The following CDC40 variants were observed in gnomAD, a reference collection of about 807,000 sequenced individuals.
The protein encoded by CDC40 is pre-mRNA-processing factor 17.
A neutral mutation model predicts 80.6 loss-of-function variants in CDC40; 27 were observed. That is an observed-to-expected ratio of 0.33 (90% CI 0.25 to 0.46). CDC40 has a LOEUF of 0.46. CDC40 is among the 20% of genes least tolerant of loss of function. The probability of loss-of-function intolerance (pLI) is 1.00; values close to 1 mark genes in which losing one functional copy is unlikely to be tolerated. For missense variants in CDC40, 486 were observed against 694.1 expected (o/e 0.70, Z 3.37); for synonymous variants, 221 against 232.6 (o/e 0.95, Z 0.45).
chr6:110,183,617 TA>T (rs1562197889), intron 1 of CDC40, among the ~76,000 whole-genome samples: 1 of 152,190 alleles, frequency 6.6e-6, no homozygotes, highest in African/African-American at 2.4e-5. Flanking sequence ...AAAACAAACT[TA>T]CACATAGTAA....
intron 12 of CDC40, among the ~76,000 whole-genome samples, chr6:110,222,073 T>C (rs990956960): frequency 4.7e-5 from 7 of 150,140 alleles, no homozygotes; most frequent in African/African-American, 1.7e-4. Flanking sequence ...CTGGGCAACA[T>C]TGTAAAACCC....
chr6:110,213,213 A>C, intron 8 of CDC40, 53 bp downstream of exon 8: 1 of 1,125,706 alleles, frequency 8.9e-7, no homozygotes, highest in Non-Finnish European at 1.4e-6. Context: ...CTTTGTTTAA[A>C]TCTGTTTGAT....
At chr6:110,220,725 G>T (rs191866881) in intron 12 of CDC40, among the ~76,000 whole-genome samples, 1 of 152,172 alleles carries the variant, frequency 6.6e-6, no homozygotes, top group Non-Finnish European at 1.5e-5. Context: ...GATTACAGGC[G>T]TGAGCCACTG....
At chr6:110,195,196 A>C (rs1352494047) in intron 2 of CDC40, among the ~76,000 whole-genome samples, 1 of 152,200 alleles carries the variant, frequency 6.6e-6, no homozygotes, top group Admixed American at 6.5e-5. Flanking sequence ...ATCACTAGGA[A>C]CTTCACCAGT....
At chr6:110,187,803 A>G (rs1309547668) in intron 1 of CDC40, among the ~76,000 whole-genome samples, 2 of 152,242 alleles carry the variant, frequency 1.3e-5, no homozygotes, top group African/African-American at 4.8e-5. Context: ...ATTTAAACTT[A>G]TTTGACCCAC....
rs1346459311 is a variant in CDC40 at position 110,219,457 on chromosome 6, T to C, written c.1184T>C (p.Met395Thr). ...AAGCAAAATCTCTTTGTGGCTGGGA[T>C]GTCTGATAAGAAGATTGTGCAAGTA... The part of the protein sequence containing the change: ...EDKQNLFVAG[M>T]SDKKIVQWDI... Residue 395 changes from methionine (M) to threonine (T), a missense_variant, in exon 11 of 15, where the codon ATG becomes ACG. Physicochemically the swap from Met to Thr is moderately conservative, Grantham distance 81. Coordinates refer to ENST00000307731, the MANE Select transcript of CDC40 (RefSeq NM_015891.3). 7 of 1,594,980 alleles carry C rather than the reference T, an allele frequency of 4.4e-6. No homozygotes were observed. The highest frequency in any genetic ancestry group is 6.0e-6 in the Non-Finnish European group (7 of 1,163,204).
chr6:110,213,972 C>G (rs1777669657), intron 8 of CDC40, among the ~76,000 whole-genome samples: 1 of 152,108 alleles, frequency 6.6e-6, no homozygotes, highest in South Asian at 2.1e-4. Flanking sequence ...TTCTCTTTGT[C>G]CGGACCATGA....
At chr6:110,211,699 G>A (rs1036905220) in intron 6 of CDC40, 2 of 153,256 alleles carry the variant, frequency 1.3e-5, no homozygotes, top group African/African-American at 4.8e-5. Context: ...CATAAGAGAG[G>A]AAAGCAGGGG....
chr6:110,196,643 G>A (rs1479902332), intron 2 of CDC40, among the ~76,000 whole-genome samples: 4 of 152,136 alleles, frequency 2.6e-5, no homozygotes, highest in African/African-American at 4.8e-5. Context: ...AAAGGCTGCT[G>A]TAAATATTAA....
intron 3 of CDC40, among the ~76,000 whole-genome samples, chr6:110,205,043 T>C (rs1420974518): frequency 1.3e-5 from 2 of 152,202 alleles, no homozygotes; most frequent in African/African-American, 4.8e-5. Context: ...TATTTCTTTA[T>C]TGCAACTTGA....
At chr6:110,195,739 G>A (rs1777410824) in intron 2 of CDC40, among the ~76,000 whole-genome samples, 1 of 152,072 alleles carries the variant, frequency 6.6e-6, no homozygotes, top group African/African-American at 2.4e-5. Flanking sequence ...AGAACAAACA[G>A]CATGAGCCGA....
chr6:110,203,265 T>G (rs1403937300), intron 3 of CDC40, among the ~76,000 whole-genome samples: 1 of 152,198 alleles, frequency 6.6e-6, no homozygotes, highest in Non-Finnish European at 1.5e-5. Context: ...AGTATATGAC[T>G]TCTATTAGTT....
At chr6:110,206,932 A>G (rs183558557) in intron 3 of CDC40, among the ~76,000 whole-genome samples, 1 of 152,312 alleles carries the variant, frequency 6.6e-6, no homozygotes, top group Non-Finnish European at 1.5e-5. Flanking sequence ...AGTATGCAAA[A>G]TTCATCCTAT....
intron 5 of CDC40, chr6:110,209,431 C>T (rs1777604952): frequency 2.3e-6 from 1 of 442,712 alleles, no homozygotes; most frequent in East Asian, 3.8e-5. Context: ...TGTTTTCTCT[C>T]ATGCTTTTTT....
In CDC40 at chr6:110,209,094, A is replaced by G. The variant is rs755378058; in HGVS notation, c.501A>G (p.Val167=). 6 of 1,560,138 alleles carry G rather than the reference A, an allele frequency of 3.8e-6. No homozygotes were observed. In the South Asian group the frequency reaches 4.5e-5, roughly 12 times the overall value. Residue 167 remains valine (V), a synonymous_variant, in exon 5 of 15, where the codon GTA becomes GTG. Transcript: ENST00000307731. ...TTTTTGTTAACGTAGGTTTAACTGT[A>G]TTTGAAACTGGTCAGAAGAAAACAG... ...EEAEKNQGLT[V]FETGQKKTEK...
intron 1 of CDC40, among the ~76,000 whole-genome samples, chr6:110,181,098 C>A (rs116912878): frequency 0.017 from 2,640 of 152,298 alleles, 32 homozygotes; most frequent in Middle Eastern, 0.044. Context: ...CAGTGGAGAT[C>A]ATTTTCAAAA....
chr6:110,187,257 A>G (rs1483204066), intron 1 of CDC40, among the ~76,000 whole-genome samples: 2 of 152,236 alleles, frequency 1.3e-5, no homozygotes, highest in Non-Finnish European at 2.9e-5. Context: ...ACCCTATTGG[A>G]TTGCAAGAGT....
intron 9 of CDC40, 57 bp from the exon 10 acceptor site, chr6:110,217,645 G>T (rs990074387): frequency 6.2e-6 from 5 of 812,030 alleles, no homozygotes; most frequent in African/African-American, 5.0e-5. Context: ...AATGTTTTAA[G>T]AGAAGAAGAT....
At chr6:110,198,688 G>A (rs1489409518) in intron 2 of CDC40, among the ~76,000 whole-genome samples, 1 of 152,016 alleles carries the variant, frequency 6.6e-6, no homozygotes, top group Non-Finnish European at 1.5e-5. Flanking sequence ...TTACTATATT[G>A]TTCTTCATTA....
Sources: gnomAD v4.1 joint callset for allele counts (sites outside exome capture counted in the v4.1 genomes callset) on GRCh38, gnomAD v4.1.1 for gene constraint, MANE v1.5 for transcripts, NCBI Gene and HGNC (gene_info 2026-07-23, HGNC 2026-07-21) for gene names.